The following PPEF1 variants were observed in gnomAD, a reference collection of about 807,000 sequenced individuals.
PPEF1 encodes the protein protein phosphatase with EF-hand domain 1.
In PPEF1, 12 loss-of-function variants were observed where a neutral mutation model predicts 53.3. That is an observed-to-expected ratio of 0.23 (90% confidence interval 0.14 to 0.36). The LOEUF is 0.36. PPEF1 is among the 10% of genes least tolerant of loss of function. The pLI, the probability that PPEF1 is intolerant of heterozygous loss-of-function variation, is 1.00. For missense variants in PPEF1, 334 were observed against 490.4 expected, an observed-to-expected ratio of 0.68 and a Z score of 3.01; for synonymous variants, 165 against 176.7, an observed-to-expected ratio of 0.93 and a Z score of 0.52.
chrX:18,744,034 G>A (rs2045266391), intron 3 of PPEF1, among the ~76,000 whole-genome samples: 1 of 110,087 alleles, frequency 9.1e-6, no homozygotes, highest in East Asian at 2.9e-4. Context: ...GGGATTACAG[G>A]CATGCACCAC....
At chrX:18,774,920 G>A (rs977182062) in intron 6 of PPEF1, among the ~76,000 whole-genome samples, 2 of 111,572 alleles carry the variant, frequency 1.8e-5, no homozygotes, top group Non-Finnish European at 3.8e-5. Context: ...TGTAGAAGTC[G>A]TGTTTCAAGC....
At chrX:18,776,813 G>C (rs1219642716) in intron 6 of PPEF1, among the ~76,000 whole-genome samples, 1 of 111,450 alleles carries the variant, frequency 9.0e-6, no homozygotes, top group African/African-American at 3.3e-5. Context: ...CCAGCTACTC[G>C]GGAGGCTGAA....
At chrX:18,748,795 GT>G (rs768827212) in intron 3 of PPEF1, among the ~76,000 whole-genome samples, 1 of 111,651 alleles carries the variant, frequency 9.0e-6, no homozygotes, top group East Asian at 2.8e-4. Flanking sequence ...TAGTGGCATT[GT>G]TCCTAAAGAG....
At chrX:18,685,371 C>G (rs1929028633) in intron 2 of PPEF1, among the ~76,000 whole-genome samples, 2 of 112,090 alleles carry the variant, frequency 1.8e-5, no homozygotes, top group African/African-American at 3.2e-5. Flanking sequence ...AGCAGTTTTC[C>G]TCTGCTAAAT....
At chrX:18,715,136 G>A (rs972354036) in intron 1 of PPEF1, among the ~76,000 whole-genome samples, 2 of 111,847 alleles carry the variant, frequency 1.8e-5, no homozygotes, top group African/African-American at 6.5e-5. Context: ...ACTTTGAGAG[G>A]CGGGTGAATC....
chrX:18,723,292 G>A lies in PPEF1; in HGVS notation c.47-6889G>A, dbSNP rs1229401828. 6.3e-5 allele frequency among the ~76,000 whole-genome samples: 7 copies of A among 111,808 alleles called. No homozygotes were observed. The Admixed American group carries it at 6.7e-4, about 11-fold the overall frequency. ...GAGCCACCATGTGCAGTCATAATTTGTGAAATTTCTAATGAAATATTATGT... is the reference window on the plus strand; with the variant it reads ...GAGCCACCATGTGCAGTCATAATTTATGAAATTTCTAATGAAATATTATGT... On this transcript the variant is annotated intron_variant, in intron 1 of 15. Coordinates refer to ENST00000470157, the MANE Select transcript of PPEF1 (RefSeq NM_001377996.1).
At chrX:18,716,159 A>G (rs1195465617) in intron 1 of PPEF1, among the ~76,000 whole-genome samples, 1 of 112,353 alleles carries the variant, frequency 8.9e-6, no homozygotes, top group Non-Finnish European at 1.9e-5. Context: ...TTTTATATGA[A>G]AAAAACTTAA....
chrX:18,748,605 T>G (rs1379768601), intron 3 of PPEF1, among the ~76,000 whole-genome samples: 1 of 112,510 alleles, frequency 8.9e-6, no homozygotes, highest in African/African-American at 3.2e-5. Context: ...ACACTTCTGC[T>G]GATCTTGGCA....
chrX:18,798,805 G>A (rs1447849434), intron 10 of PPEF1, among the ~76,000 whole-genome samples: 2 of 110,868 alleles, frequency 1.8e-5, no homozygotes, highest in Non-Finnish European at 3.8e-5. Context: ...TGTAGTTTTA[G>A]TAGAGGCAGG....
At chrX:18,754,728 G>C (rs1042636055) in intron 4 of PPEF1, among the ~76,000 whole-genome samples, 1 of 111,809 alleles carries the variant, frequency 8.9e-6, no homozygotes, top group African/African-American at 3.3e-5. Context: ...CTCTCAAGTA[G>C]CTGGGACTGT....
chrX:18,768,619 A>G (rs974502328), intron 6 of PPEF1, among the ~76,000 whole-genome samples: 10 of 112,699 alleles, frequency 8.9e-5, no homozygotes, highest in Non-Finnish European at 1.9e-4. Context: ...TGGTCCCTGT[A>G]ATGTTCAAGG....
intron 2 of PPEF1, among the ~76,000 whole-genome samples, chrX:18,685,906 ACTGGCTGACTTTTTTTTTCTTTCAG>A: frequency 9.0e-6 from 1 of 111,455 alleles, no homozygotes; most frequent in Admixed American, 9.5e-5. Flanking sequence ...AACACTTTCA[ACTGGCTGACTTTTTTTTTCTTTCAG>A]AAGAGAAATT....
intron 10 of PPEF1, among the ~76,000 whole-genome samples, chrX:18,791,060 TTTATTTCTA>T (rs2046316033): frequency 8.9e-6 from 1 of 111,837 alleles, no homozygotes; most frequent in East Asian, 2.8e-4. Flanking sequence ...AATAAAAGGG[TTTATTTCTA>T]GACTCTTAAT....
chrX:18,752,133 C>T lies in PPEF1; in HGVS notation c.396+2181C>T, dbSNP rs888908811. On this transcript the variant is annotated intron_variant, in intron 4 of 15. Coordinates refer to ENST00000470157, the MANE Select transcript of PPEF1 (RefSeq NM_001377996.1). ...TCCTCACAATACAAGTCTTTCAACC[C>T]ATGGTGTCTTTCCATTTATTTATGT... Among the ~76,000 whole-genome samples, 8 of 112,099 alleles carry T rather than the reference C, an allele frequency of 7.1e-5. No homozygotes were observed. The Admixed American group carries it at 7.6e-4, about 11-fold the overall frequency.
At chrX:18,779,506 T>C (rs1905444833) in intron 7 of PPEF1, among the ~76,000 whole-genome samples, 1 of 112,108 alleles carries the variant, frequency 8.9e-6, no homozygotes, top group Admixed American at 9.5e-5. Context: ...TGGCAGGTTC[T>C]TCGAACAGAT....
intron 12 of PPEF1, among the ~76,000 whole-genome samples, chrX:18,810,761 G>A (rs2046789571): frequency 8.9e-6 from 1 of 112,022 alleles, no homozygotes; most frequent in Non-Finnish European, 1.9e-5. Flanking sequence ...ACCACATTTT[G>A]TTTGTCCATT....
chrX:18,757,798 C>T (rs1238627156), intron 5 of PPEF1, 57 bp downstream of exon 5: 1 of 877,629 alleles, frequency 1.1e-6, no homozygotes, highest in Non-Finnish European at 1.7e-6. Context: ...GGTCCTACAT[C>T]GTTTGCCTAA....
chrX:18,707,967 G>T, intron 1 of PPEF1, 141 bp downstream of exon 1: 1 of 467,272 alleles, frequency 2.1e-6, no homozygotes, highest in Non-Finnish European at 3.6e-6. Flanking sequence ...GAGTAGCATA[G>T]GAAACTACAT....
At chrX:18,776,011 C>A (rs747680929) in intron 6 of PPEF1, among the ~76,000 whole-genome samples, 11 of 112,016 alleles carry the variant, frequency 9.8e-5, no homozygotes, top group Non-Finnish European at 1.5e-4. Flanking sequence ...CCACCATCCC[C>A]TCAGGCCTAG....
Sources: allele counts gnomAD v4.1 joint callset (sites outside exome capture counted in the v4.1 genomes callset), GRCh38; gene constraint gnomAD v4.1.1; transcripts MANE v1.5; gene names NCBI Gene and HGNC (gene_info 2026-07-23, HGNC 2026-07-21).